UBALD1: variants seen among roughly 807,000 people sequenced by gnomAD.
UBALD1 encodes UBA like domain containing 1, also known as UBA-like domain-containing protein 1.
In UBALD1, 5 loss-of-function variants were observed where a neutral mutation model predicts 16.1. The ratio of observed to expected loss-of-function variants is 0.31; its 90% CI spans 0.16 to 0.66. The LOEUF (loss-of-function observed/expected upper bound fraction) is 0.66. Among genes scored for constraint, UBALD1 ranks in the 30% least tolerant of loss-of-function variants. UBALD1 has a pLI of 0.77. For synonymous variants in UBALD1, 146 were observed against 105.3 expected, an observed-to-expected ratio of 1.39 and a Z score of -2.37; for missense variants, 220 against 252.8, an observed-to-expected ratio of 0.87 and a Z score of 0.88.
intron 2 of UBALD1, chr16:4,610,192 C>G: frequency 2.8e-6 from 2 of 714,564 alleles, no homozygotes; most frequent in Non-Finnish European, 5.0e-6. Flanking sequence ...CCCACGGTGC[C>G]TGGGGCCACG....
chr16:4,613,567 G>T (rs1240437090), intron 1 of UBALD1, among the ~76,000 whole-genome samples: 3 of 152,146 alleles, frequency 2.0e-5, no homozygotes, highest in Non-Finnish European at 4.4e-5. Context: ...GCCCTGGGAT[G>T]GCTCCTCATG....
At chr16:4,614,591 G>A in intron 1 of UBALD1, 87 bp downstream of exon 1, 6 of 1,284,060 alleles carry the variant, frequency 4.7e-6, no homozygotes, top group Non-Finnish European at 5.9e-6. Flanking sequence ...GCCGGCACGC[G>A]TCCACGCCGT....
rs1239757405 is a variant in UBALD1, at chr16:4,608,980, G to C, written c.*653C>G. 1 of 152,298 alleles carries C rather than the reference G, an allele frequency of 6.6e-6. No individual in the cohort carries two copies. Among genetic ancestry groups the C allele is most frequent in the Non-Finnish European group, 1.5e-5 (1 of 68,170 alleles). The allele number at this position is 152,298 out of a possible 1,614,324, so 9.4% of individuals were successfully genotyped here. ...GGGAGGCATGCAGGCAGCCCCAGCA[G>C]GCAGGCGCTGGGAGGCGGTGGGAAG... On this transcript the variant is annotated 3_prime_UTR_variant, in exon 3 of 3. Coordinates refer to ENST00000283474, the MANE Select transcript of UBALD1 (RefSeq NM_145253.3).
At chr16:4,613,085 C>A (rs577609135) in intron 1 of UBALD1, among the ~76,000 whole-genome samples, 9 of 152,320 alleles carry the variant, frequency 5.9e-5, no homozygotes, top group African/African-American at 1.9e-4. Context: ...CGGACACCTA[C>A]CTGCCCAGCC....
chr16:4,614,582 C>G (rs1412774943), intron 1 of UBALD1, 96 bp downstream of exon 1: 40 of 1,277,618 alleles, frequency 3.1e-5, no homozygotes, highest in Non-Finnish European at 3.8e-5. Flanking sequence ...GGGCGCACAG[C>G]CGGCACGCGT....
At chr16:4,610,383 C>T in intron 2 of UBALD1, 110 bp downstream of exon 2, 1 of 1,229,354 alleles carries the variant, frequency 8.1e-7, no homozygotes, top group East Asian at 2.4e-5. Context: ...AGAGGTCGAG[C>T]CCCGCCTGCA....
rs1186429962 is a variant in UBALD1 at position 4,609,973 on chromosome 16, G to A, written c.194C>T (p.Pro65Leu). ...SHHHHQMMCT[P>L]ANTPATPPNF... ...GGGGGGTGTAGCAGGGGTATTGGCG[G>A]GGGTGCACATCTGTGAGGGGAAGAG... Residue 65 changes from proline to leucine, a missense_variant, in exon 3 of 3, where the codon CCC becomes CTC. By Grantham distance (98) the Pro-to-Leu change is moderately conservative. This residue lies in a region of UBALD1 where 69 missense variants were observed against 120.3 expected (regional missense o/e 0.57). Transcript: ENST00000283474. The A allele has an allele frequency of 6.3e-7, 1 of 1,585,200 alleles. No individual in the cohort carries two copies. Among genetic ancestry groups the A allele is most frequent in the Admixed American group, 1.7e-5 (1 of 57,272 alleles).
At chr16:4,614,585 G>A (rs1420279878) in intron 1 of UBALD1, 93 bp downstream of exon 1, 3 of 1,278,208 alleles carry the variant, frequency 2.3e-6, no homozygotes, top group African/African-American at 1.6e-5. Context: ...CGCACAGCCG[G>A]CACGCGTCCA....
chr16:4,609,780 C>G lies in UBALD1; in HGVS notation c.387G>C (p.Ser129=). The change falls in exon 3 of 3, where the codon TCG becomes TCC. Residue 129 remains serine, a synonymous_variant. Coordinates refer to ENST00000283474, the MANE Select transcript of UBALD1 (RefSeq NM_145253.3). The stretch of plus-strand genomic sequence containing the variant: ...GGTGGTGCTGTGGGCCCCCCGGGGG[C>G]GAGGCCGCCGTGGGCCAGCTGGAGG... ...SAASSWPTAA[S]PPGGPQHHQP... is the part of the protein sequence containing the mutation. The G allele has an allele frequency of 6.6e-7, 1 of 1,504,960 alleles. No individual in the cohort carries two copies. Among genetic ancestry groups the G allele is most frequent in the East Asian group, 2.3e-5 (1 of 42,636 alleles). The allele number at this position is 1,504,960 out of a possible 1,614,324, so 93.2% of individuals were successfully genotyped here. A position where few individuals can be genotyped will look rare whatever the true frequency, so the allele number is the denominator to read the frequency against.
chr16:4,610,471 T>G (rs1201717075), intron 2 of UBALD1, 22 bp downstream of exon 2: 1 of 1,591,596 alleles, frequency 6.3e-7, no homozygotes, highest in Admixed American at 1.7e-5. Flanking sequence ...AATCCAGAAC[T>G]GGGGACTCCG....
chr16:4,612,529 G>A (rs762900129), intron 1 of UBALD1, among the ~76,000 whole-genome samples: 35 of 151,970 alleles, frequency 2.3e-4, no homozygotes, highest in Non-Finnish European at 3.2e-4. Flanking sequence ...CCAAAGCCCA[G>A]GCTCACTGTG....
chr16:4,614,708 T>G lies in UBALD1; in HGVS notation c.90A>C (p.Gln30His). 6.4e-7 allele frequency: 1 copy of G among 1,554,934 alleles called. No homozygotes were observed. The change falls in exon 1 of 3, where the codon CAA becomes CAC. Residue 30 changes from glutamine to histidine, a missense_variant. Gln to His is a conservative substitution (Grantham distance 24, BLOSUM62 0). Coordinates refer to ENST00000283474, the MANE Select transcript of UBALD1 (RefSeq NM_145253.3). ...TAGCAADQAK[Q>H]LLQAAHWQFE... is the part of the protein sequence containing the mutation. The stretch of plus-strand genomic sequence containing the variant: ...ACTGCCAGTGGGCCGCCTGCAGCAG[T>G]TGCTTCGCCTGGTCGGCCGCGCAGC...
chr16:4,614,119 A>AG (rs1897391769), intron 1 of UBALD1: 1 of 186,142 alleles, frequency 5.4e-6, no homozygotes. Flanking sequence ...CAAACGCACC[A>AG]GGGGGCTGCG....
chr16:4,610,480 C>G lies in UBALD1; in HGVS notation c.183+13G>C. ...CCGCCCAATCCAGAACTGGGGACTC[C>G]GGGGACACTTACCATCTGGTGGTGA... On this transcript the variant is annotated intron_variant, in intron 2 of 2. Transcript: ENST00000283474. 6.3e-7 allele frequency: 1 copy of G among 1,598,616 alleles called. No homozygotes were observed. Among genetic ancestry groups the G allele is most frequent in the South Asian group, 1.1e-5 (1 of 88,516 alleles).
intron 2 of UBALD1, chr16:4,610,195 G>T (rs2306770): frequency 1.4e-6 from 1 of 713,054 alleles, no homozygotes; most frequent in Non-Finnish European, 2.5e-6. Context: ...ACGGTGCCTG[G>T]GGCCACGAGG....
In UBALD1 at chr16:4,609,790, G is replaced by A. The variant is rs577273166; in HGVS notation, c.377C>T (p.Thr126Met). The change falls in exon 3 of 3, where the codon ACG becomes ATG. Residue 126 changes from threonine to methionine, a missense_variant. Transcript: ENST00000283474. ...TGGGCCCCCCGGGGGCGAGGCCGCC[G>A]TGGGCCAGCTGGAGGCCGCAGAGCT... ...TSSSAASSWP[T>M]AASPPGGPQH... 87 of 1,504,158 alleles carry A rather than the reference G, an allele frequency of 5.8e-5. No homozygotes were observed. Among genetic ancestry groups the A allele is most frequent in the Admixed American group, 9.3e-5 (4 of 43,054 alleles). The allele number at this position is 1,504,158 out of a possible 1,614,324, so 93.2% of individuals were successfully genotyped here. A position where few individuals can be genotyped will look rare whatever the true frequency, so the allele number is the denominator to read the frequency against.
intron 1 of UBALD1, chr16:4,613,926 C>T (rs111750099): frequency 6.6e-6 from 1 of 152,508 alleles, no homozygotes; most frequent in African/African-American, 2.4e-5. Context: ...CCCAGGAGAG[C>T]ACCTAGTCGC....
Position 4,609,808 on chromosome 16 carries a change from G to A in UBALD1, c.359C>T (p.Ala120Val), listed in dbSNP as rs371867321. 6.8e-5 allele frequency: 104 copies of A among 1,520,570 alleles called. 1 individual carries two copies. The highest frequency in any genetic ancestry group is 4.0e-4 in the South Asian group (31 of 77,386). The allele number at this position is 1,520,570 out of a possible 1,614,324, so 94.2% of individuals were successfully genotyped here. A position where few individuals can be genotyped will look rare whatever the true frequency, so the allele number is the denominator to read the frequency against. ...GGCCGCCGTGGGCCAGCTGGAGGCC[G>A]CAGAGCTGCTGGTGGCGGCATGGGG... Reference protein sequence around the residue: ...HFPHAATSSSAASSWPTAASP... With the variant: ...HFPHAATSSSVASSWPTAASP... The change falls in exon 3 of 3, where the codon GCG (alanine) becomes GTG (valine). Residue 120 changes from alanine (A) to valine (V), a missense_variant. By Grantham distance (64) the Ala-to-Val change is moderately conservative. Around this residue, in one of 2 missense-constraint regions of UBALD1, gnomAD observed 151 missense variants for 132.6 expected, o/e 1.14. Transcript: ENST00000283474.
At chr16:4,611,017 C>G (rs767795039) in intron 1 of UBALD1, 3 of 308,742 alleles carry the variant, frequency 9.7e-6, no homozygotes, top group African/African-American at 2.1e-5. Context: ...CTCTAAGCCT[C>G]GGTCTCCTCA....
Sources: allele counts gnomAD v4.1 joint callset (sites outside exome capture counted in the v4.1 genomes callset), GRCh38; gene constraint gnomAD v4.1.1; regional missense constraint gnomAD v4.1.1; transcripts MANE v1.5; gene names NCBI Gene and HGNC (gene_info 2026-07-23, HGNC 2026-07-21).